EPB41L4A: variants seen among roughly 807,000 people sequenced by gnomAD.
EPB41L4A encodes the protein erythrocyte membrane protein band 4.1 like 4A.
In EPB41L4A, 100 loss-of-function variants were observed where a neutral mutation model predicts 108.6. That is an observed-to-expected ratio of 0.92 (90% CI 0.78 to 1.09). The LOEUF is 1.09. Ranked by LOEUF, EPB41L4A falls within the 50% of genes least tolerant of loss-of-function variation. The probability of loss-of-function intolerance (pLI) is 0.00; values close to 1 mark genes in which losing one functional copy is unlikely to be tolerated. For missense variants in EPB41L4A, 1,030 were observed against 842.7 expected (o/e 1.22, Z -2.75); for synonymous variants, 319 against 289.0 (o/e 1.10, Z -1.05).
chr5:112,332,257 T>G (rs1437828544), intron 1 of EPB41L4A, among the ~76,000 whole-genome samples: 10 of 152,240 alleles, frequency 6.6e-5, no homozygotes, highest in Non-Finnish European at 4.4e-5. Context: ...CCCATCTTTC[T>G]TTTGTCCACT....
intron 15 of EPB41L4A, among the ~76,000 whole-genome samples, chr5:112,198,674 T>C (rs1177553892): frequency 6.6e-6 from 1 of 152,118 alleles, no homozygotes; most frequent in Admixed American, 6.5e-5. Flanking sequence ...TTTCCATACA[T>C]TTGTTTTATT....
intron 2 of EPB41L4A, among the ~76,000 whole-genome samples, chr5:112,295,286 G>A (rs1561547354): frequency 6.6e-6 from 1 of 152,174 alleles, no homozygotes; most frequent in Non-Finnish European, 1.5e-5. Context: ...TCTAGCTTGA[G>A]CAATTGGGTA....
At chr5:112,381,560 A>C (rs185626256) in intron 1 of EPB41L4A, among the ~76,000 whole-genome samples, 46 of 152,372 alleles carry the variant, frequency 3.0e-4, no homozygotes, top group Middle Eastern at 3.4e-3. Flanking sequence ...GCAAATAAAC[A>C]ATTTTCTGGA....
intron 17 of EPB41L4A, among the ~76,000 whole-genome samples, 168 bp from the exon 18 acceptor site, chr5:112,184,303 A>G (rs557171431): frequency 1.3e-5 from 2 of 152,358 alleles, no homozygotes; most frequent in Admixed American, 1.3e-4. Flanking sequence ...GTAGGTAAGC[A>G]TATATAAACC....
chr5:112,231,811 AAAAAAG>A (rs1561494584), intron 12 of EPB41L4A, among the ~76,000 whole-genome samples: 1 of 147,562 alleles, frequency 6.8e-6, no homozygotes, highest in Non-Finnish European at 1.5e-5. Flanking sequence ...AAAAAAAAAA[AAAAAAG>A]GATCCACCTG....
chr5:112,261,958 G>A (rs868154273), intron 7 of EPB41L4A, among the ~76,000 whole-genome samples: 4 of 144,426 alleles, frequency 2.8e-5, no homozygotes, highest in East Asian at 2.1e-4. Flanking sequence ...GCACGATCTC[G>A]GCTCACTGCA....
At chr5:112,381,985 C>G (rs1760205067) in intron 1 of EPB41L4A, among the ~76,000 whole-genome samples, 1 of 152,138 alleles carries the variant, frequency 6.6e-6, no homozygotes, top group African/African-American at 2.4e-5. Context: ...CAGTCAATGG[C>G]ATGTAATAAA....
intron 1 of EPB41L4A, among the ~76,000 whole-genome samples, chr5:112,348,862 T>C (rs1187119069): frequency 6.6e-6 from 1 of 152,206 alleles, no homozygotes; most frequent in Non-Finnish European, 1.5e-5. Context: ...CTACGCACAA[T>C]GTTGACACCA....
rs562822642 is a variant in EPB41L4A at position 112,204,362 on chromosome 5, G to A, written c.1376+13C>T. The A allele has an allele frequency of 1.3e-6, 2 of 1,567,910 alleles. No homozygotes were observed. Among genetic ancestry groups the A allele is most frequent in the Admixed American group, 3.3e-5 (2 of 59,948 alleles). On this transcript the variant is annotated intron_variant, in intron 15 of 22. Coordinates refer to ENST00000261486, the MANE Select transcript of EPB41L4A (RefSeq NM_022140.5). Reference sequence around the variant, plus strand: ...GTTGAAAGCTGCTAACAGAGAGATTGTGTTCCGCTTACCTCCTCCTCACAG... The same window carrying A: ...GTTGAAAGCTGCTAACAGAGAGATTATGTTCCGCTTACCTCCTCCTCACAG...
rs77614154 is a variant in EPB41L4A, at chr5:112,348,434, C to T, written c.100-40944G>A. ...TGATAAATAATAACGTAGCCAAAAC[C>T]TACTTTATGGGAAGCCATTTTGTTA... On this transcript the variant is annotated intron_variant, in intron 1 of 22. Transcript: ENST00000261486. 7.1e-3 allele frequency among the ~76,000 whole-genome samples: 1,085 copies of T among 152,194 alleles called. 16 individuals carry two copies. Among genetic ancestry groups the T allele is most frequent in the African/African-American group, 0.025 (1,044 of 41,524 alleles).
At chr5:112,319,674 G>A (rs970888579) in intron 1 of EPB41L4A, among the ~76,000 whole-genome samples, 1 of 152,204 alleles carries the variant, frequency 6.6e-6, no homozygotes, top group African/African-American at 2.4e-5. Flanking sequence ...TTCAAAAATA[G>A]TATGGTTATC....
chr5:112,147,889 A>C (rs1029046736), intron 12 of EPB41L4A, among the ~76,000 whole-genome samples: 2 of 151,614 alleles, frequency 1.3e-5, no homozygotes, highest in Non-Finnish European at 2.9e-5. Flanking sequence ...AAATACAAAA[A>C]TTAGCTGGGC....
At chr5:112,284,692 C>G (rs17134321) in intron 2 of EPB41L4A, among the ~76,000 whole-genome samples, 33,360 of 152,162 alleles carry the variant, frequency 0.22, 4,859 homozygotes, top group African/African-American at 0.42. Flanking sequence ...CTAAACACTC[C>G]ATCACTGAGG....
At chr5:112,186,215 G>A (rs1272617895) in intron 17 of EPB41L4A, among the ~76,000 whole-genome samples, 3 of 152,156 alleles carry the variant, frequency 2.0e-5, no homozygotes, top group South Asian at 2.1e-4. Flanking sequence ...AAGTCGGGGC[G>A]TCTAAATATT....
chr5:112,374,340 G>A (rs571762691), intron 1 of EPB41L4A, among the ~76,000 whole-genome samples: 2 of 152,250 alleles, frequency 1.3e-5, no homozygotes, highest in African/African-American at 4.8e-5. Context: ...TCAGAGCCAT[G>A]GGATCACCCA....
At chr5:112,247,550 A>G (rs559026132) in intron 9 of EPB41L4A, among the ~76,000 whole-genome samples, 30 of 152,324 alleles carry the variant, frequency 2.0e-4, no homozygotes, top group African/African-American at 7.2e-4. Context: ...ACATTTTTAC[A>G]TTTTTAGCAA....
chr5:112,194,929 A>G (rs1761887100), intron 16 of EPB41L4A, among the ~76,000 whole-genome samples: 1 of 152,180 alleles, frequency 6.6e-6, no homozygotes, highest in Admixed American at 6.5e-5. Flanking sequence ...ATCACTTCCA[A>G]CAGAACTCTG....
At chr5:112,398,408 T>C (rs943970327) in intron 1 of EPB41L4A, among the ~76,000 whole-genome samples, 1 of 152,128 alleles carries the variant, frequency 6.6e-6, no homozygotes, top group African/African-American at 2.4e-5. Context: ...TCTTTGTCTT[T>C]GAGACAGTCT....
chr5:112,389,246 G>A (rs1026634074), intron 1 of EPB41L4A, among the ~76,000 whole-genome samples: 1 of 152,090 alleles, frequency 6.6e-6, no homozygotes, highest in African/African-American at 2.4e-5. Flanking sequence ...ATTTTTTAAT[G>A]TATTAAGGAT....
Sources: allele counts gnomAD v4.1 joint callset (sites outside exome capture counted in the v4.1 genomes callset), GRCh38; gene constraint gnomAD v4.1.1; transcripts MANE v1.5; gene names NCBI Gene and HGNC (gene_info 2026-07-23, HGNC 2026-07-21).